The following ULK4 variants were observed in gnomAD, a reference collection of about 807,000 sequenced individuals.
The protein encoded by ULK4 is inactive serine/threonine-protein kinase ULK4.
A neutral mutation model predicts 160.6 loss-of-function variants in ULK4; 133 were observed. That is an observed-to-expected ratio of 0.83 (90% CI 0.72 to 0.96). The LOEUF is 0.96. ULK4 is among the 40% of genes least tolerant of loss of function. ULK4 has a pLI of 0.00. For missense variants in ULK4, 1,580 were observed against 1,499.5 expected (o/e 1.05, Z -0.89); for synonymous variants, 534 against 539.8 (o/e 0.99, Z 0.15).
intron 34 of ULK4, among the ~76,000 whole-genome samples, chr3:41,418,150 G>C (rs2082572422): frequency 6.6e-6 from 1 of 151,768 alleles, no homozygotes; most frequent in East Asian, 1.9e-4. Flanking sequence ...AACAACACAG[G>C]GTTAGGAGCA....
chr3:41,920,842 A>G (rs1313781428), intron 5 of ULK4, among the ~76,000 whole-genome samples: 2 of 152,184 alleles, frequency 1.3e-5, no homozygotes, highest in Non-Finnish European at 2.9e-5. Flanking sequence ...TTTTGTACAC[A>G]TCGATGGAAG....
intron 32 of ULK4, among the ~76,000 whole-genome samples, chr3:41,557,013 T>A (rs1024991610): frequency 6.6e-6 from 1 of 152,036 alleles, no homozygotes; most frequent in Non-Finnish European, 1.5e-5. Flanking sequence ...AGTAGCACAA[T>A]TAAAGAACTA....
chr3:41,638,716 A>G (rs1559450696), intron 30 of ULK4, among the ~76,000 whole-genome samples: 2 of 152,234 alleles, frequency 1.3e-5, no homozygotes, highest in Admixed American at 6.5e-5. Flanking sequence ...TCTGGCCAAT[A>G]ACTGTCATCA....
intron 35 of ULK4, among the ~76,000 whole-genome samples, chr3:41,314,334 A>G (rs781624287): frequency 1.3e-5 from 2 of 151,952 alleles, no homozygotes; most frequent in Non-Finnish European, 2.9e-5. Context: ...CCAACTGGTA[A>G]TTTTTCAACC....
At chr3:41,435,940 T>C (rs1313785857) in intron 34 of ULK4, among the ~76,000 whole-genome samples, 1 of 127,014 alleles carries the variant, frequency 7.9e-6, no homozygotes, top group African/African-American at 3.0e-5. Context: ...AGAGCAAGAC[T>C]CCGTCTCATT....
intron 29 of ULK4, among the ~76,000 whole-genome samples, chr3:41,664,274 G>C (rs2035283170): frequency 6.6e-6 from 1 of 152,172 alleles, no homozygotes; most frequent in African/African-American, 2.4e-5. Flanking sequence ...AGACTCGCTA[G>C]AGAATTCACA....
At chr3:41,627,218 C>G (rs1242760570) in intron 30 of ULK4, among the ~76,000 whole-genome samples, 1 of 152,104 alleles carries the variant, frequency 6.6e-6, no homozygotes, top group Non-Finnish European at 1.5e-5. Flanking sequence ...GCAGAGGAAT[C>G]AGGAGAAGGG....
At chr3:41,822,721 GATTT>G (rs2041186217) in intron 18 of ULK4, among the ~76,000 whole-genome samples, 1 of 103,748 alleles carries the variant, frequency 9.6e-6, no homozygotes, top group South Asian at 2.8e-4. Context: ...GCCGGGCTGA[GATTT>G]TTTTTTTTTT....
At chr3:41,826,921 T>G (rs1234061355) in intron 18 of ULK4, among the ~76,000 whole-genome samples, 2 of 142,028 alleles carry the variant, frequency 1.4e-5, no homozygotes, top group Non-Finnish European at 3.0e-5. Context: ...AAAGCTCTCC[T>G]CAGCAAATGT....
intron 30 of ULK4, among the ~76,000 whole-genome samples, chr3:41,658,607 A>G (rs1325577743): frequency 6.6e-6 from 1 of 152,218 alleles, no homozygotes; most frequent in Non-Finnish European, 1.5e-5. Context: ...ATGCAACGCT[A>G]TGTATCTGTT....
At chr3:41,820,486 C>T (rs537162321) in intron 18 of ULK4, among the ~76,000 whole-genome samples, 5 of 152,220 alleles carry the variant, frequency 3.3e-5, no homozygotes, top group Admixed American at 2.0e-4. Context: ...TGCAGCAACA[C>T]GGATGCAGCT....
At chr3:41,640,791 A>G (rs551988931) in intron 30 of ULK4, among the ~76,000 whole-genome samples, 2 of 152,346 alleles carry the variant, frequency 1.3e-5, no homozygotes, top group East Asian at 3.9e-4. Flanking sequence ...ATCCAACGAT[A>G]TATACAACTT....
chr3:41,880,651 A>T (rs980420489), intron 17 of ULK4, among the ~76,000 whole-genome samples: 3 of 152,160 alleles, frequency 2.0e-5, no homozygotes, highest in Admixed American at 2.0e-4. Context: ...GGCCAGGTGC[A>T]GTGTCTCATG....
chr3:41,395,458 T>C (rs992941308), intron 35 of ULK4, among the ~76,000 whole-genome samples: 1 of 152,092 alleles, frequency 6.6e-6, no homozygotes, highest in African/African-American at 2.4e-5. Flanking sequence ...ACGGAGGAAA[T>C]TCTAGCACGT....
rs539453627 is a variant in ULK4, at chr3:41,292,934, A to T, written c.3679-43360T>A. On this transcript the variant is annotated intron_variant, in intron 35 of 36. Coordinates refer to ENST00000301831, the MANE Select transcript of ULK4 (RefSeq NM_017886.4). ...ACTCCAGCCTGGGCGACAGAGCAAG[A>T]CACCGTCTCAAAAAAATAAAAAAAT... is the stretch of plus-strand genomic sequence containing the variant. Among the ~76,000 whole-genome samples, 36 of 152,092 alleles carry T rather than the reference A, an allele frequency of 2.4e-4. 1 individual carries two copies. The South Asian group carries it at 7.1e-3, about 30-fold the overall frequency.
intron 30 of ULK4, among the ~76,000 whole-genome samples, chr3:41,660,733 C>A (rs2035124423): frequency 6.6e-6 from 1 of 152,084 alleles, no homozygotes; most frequent in Non-Finnish European, 1.5e-5. Context: ...TGACATGAGG[C>A]AAGACTTATT....
At chr3:41,446,764 T>C (rs2083306230) in intron 34 of ULK4, among the ~76,000 whole-genome samples, 1 of 149,494 alleles carries the variant, frequency 6.7e-6, no homozygotes, top group Admixed American at 6.6e-5. Flanking sequence ...CATTAGGAGA[T>C]ATACCTAATG....
At chr3:41,549,830 A>G (rs1448534711) in intron 32 of ULK4, among the ~76,000 whole-genome samples, 3 of 152,170 alleles carry the variant, frequency 2.0e-5, no homozygotes, top group Admixed American at 2.0e-4. Flanking sequence ...GGAAATGACC[A>G]TCAGGCTAAC....
At chr3:41,524,429 T>A (rs898527027) in intron 32 of ULK4, among the ~76,000 whole-genome samples, 1 of 152,164 alleles carries the variant, frequency 6.6e-6, no homozygotes, top group Non-Finnish European at 1.5e-5. Flanking sequence ...AGATGCCCAG[T>A]AGTGACCCTG....
Sources: allele counts gnomAD v4.1 joint callset (sites outside exome capture counted in the v4.1 genomes callset), GRCh38; gene constraint gnomAD v4.1.1; transcripts MANE v1.5; gene names NCBI Gene and HGNC (gene_info 2026-07-23, HGNC 2026-07-21).